The following PRR5L variants were observed in gnomAD, a reference collection of about 807,000 sequenced individuals.
PRR5L encodes proline-rich protein 5-like.
Under a neutral mutation model 36.4 loss-of-function variants are expected in PRR5L, and 21 were observed. The observed-to-expected ratio is 0.58, with a 90% CI of 0.41 to 0.83. The LOEUF is 0.83. Among genes scored for constraint, PRR5L ranks in the 40% least tolerant of loss-of-function variants. The pLI is 0.00. For synonymous variants in PRR5L, 188 were observed against 197.0 expected, an observed-to-expected ratio of 0.95 and a Z score of 0.38; for missense variants, 381 against 473.3, an observed-to-expected ratio of 0.80 and a Z score of 1.81.
At chr11:36,446,638 T>C (rs1445298865) in intron 7 of PRR5L, among the ~76,000 whole-genome samples, 198 bp downstream of exon 7, 1 of 152,218 alleles carries the variant, frequency 6.6e-6, no homozygotes, top group Non-Finnish European at 1.5e-5. Flanking sequence ...TGTTAGGTCC[T>C]GGTGCTGTGC....
Position 36,331,650 on chromosome 11 carries a change from T to C in PRR5L, c.-126+35212T>C, listed in dbSNP as rs1294488776. The stretch of plus-strand genomic sequence containing the variant: ...GAGAATGGCAAACTCTAGTTTAGCA[T>C]TGAAATGCTATTGATATTAAAACTC... On this transcript the variant is annotated intron_variant, in intron 1 of 8. Transcript: ENST00000530639. Among the ~76,000 whole-genome samples the C allele has an allele frequency of 2.0e-5, 3 of 152,346 alleles. No homozygotes were observed. The South Asian group carries it at 6.2e-4, about 32-fold the overall frequency.
At chr11:36,420,868 C>T (rs972053059) in intron 4 of PRR5L, among the ~76,000 whole-genome samples, 8 of 147,978 alleles carry the variant, frequency 5.4e-5, no homozygotes, top group African/African-American at 2.5e-5. Flanking sequence ...CACACACACA[C>T]ACACACACAC....
chr11:36,340,489 T>C (rs1856807790), intron 1 of PRR5L, among the ~76,000 whole-genome samples: 1 of 152,186 alleles, frequency 6.6e-6, no homozygotes, highest in Non-Finnish European at 1.5e-5. Flanking sequence ...CTGTTCGAAG[T>C]GCTTTACTTT....
rs570164702 is a variant in PRR5L at position 36,395,469 on chromosome 11, C to T, written c.-125-5528C>T. Among the ~76,000 whole-genome samples, 269 of 152,302 alleles carry T rather than the reference C, an allele frequency of 1.8e-3. 1 individual carries two copies. Among genetic ancestry groups the T allele is most frequent in the Non-Finnish European group, 2.9e-3 (195 of 68,022 alleles). On this transcript the variant is annotated intron_variant, in intron 1 of 8. Coordinates refer to ENST00000530639, the MANE Select transcript of PRR5L (RefSeq NM_001160167.2). ...TCAAGTTCTCAATAGCCATATATGG[C>T]TAGTGGCTACCATATTGGACAGCAC...
chr11:36,317,836 T>A (rs1856573287), intron 1 of PRR5L, among the ~76,000 whole-genome samples: 1 of 152,234 alleles, frequency 6.6e-6, no homozygotes, highest in African/African-American at 2.4e-5. Flanking sequence ...CTGACACTTC[T>A]GTGAAATACG....
At chr11:36,305,408 A>G (rs1272474435) in intron 1 of PRR5L, among the ~76,000 whole-genome samples, 1 of 152,162 alleles carries the variant, frequency 6.6e-6, no homozygotes, top group African/African-American at 2.4e-5. Flanking sequence ...GTGACTGTTA[A>G]TGGGTATGAA....
chr11:36,447,657 G>A (rs1018729088), intron 7 of PRR5L, among the ~76,000 whole-genome samples: 1 of 152,174 alleles, frequency 6.6e-6, no homozygotes, highest in Admixed American at 6.5e-5. Context: ...TGGAATGTCA[G>A]GCATTGGGGC....
intron 1 of PRR5L, among the ~76,000 whole-genome samples, chr11:36,311,543 T>C (rs1372188443): frequency 6.6e-6 from 1 of 152,194 alleles, no homozygotes; most frequent in Non-Finnish European, 1.5e-5. Context: ...TTTACTACTT[T>C]TATGAAAACT....
At chr11:36,303,314 C>T (rs1856396512) in intron 1 of PRR5L, among the ~76,000 whole-genome samples, 1 of 152,174 alleles carries the variant, frequency 6.6e-6, no homozygotes, top group African/African-American at 2.4e-5. Context: ...AGACAATGCC[C>T]AATCCATACC....
intron 1 of PRR5L, chr11:36,329,225 G>C (rs1468621506): frequency 1.3e-5 from 2 of 152,110 alleles, no homozygotes; most frequent in African/African-American, 4.8e-5. Context: ...TTATTTCCTT[G>C]AGCATGGCAT....
intron 1 of PRR5L, among the ~76,000 whole-genome samples, chr11:36,367,220 T>C (rs1034576877): frequency 3.9e-5 from 6 of 152,162 alleles, no homozygotes; most frequent in African/African-American, 1.4e-4. Flanking sequence ...CTAAAACATA[T>C]GTTCAACAAA....
intron 3 of PRR5L, among the ~76,000 whole-genome samples, chr11:36,412,636 C>T (rs1858049714): frequency 6.6e-6 from 1 of 152,154 alleles, no homozygotes. Context: ...CAGCTTTTCT[C>T]TTCTTTCTTG....
At chr11:36,393,835 G>C (rs965065168) in intron 1 of PRR5L, 3 of 152,164 alleles carry the variant, frequency 2.0e-5, no homozygotes, top group African/African-American at 2.4e-5. Flanking sequence ...ATTTTTGTGT[G>C]TGTGTCCTAG....
intron 1 of PRR5L, among the ~76,000 whole-genome samples, chr11:36,383,788 C>T (rs1053363884): frequency 5.3e-5 from 8 of 151,158 alleles, no homozygotes; most frequent in Non-Finnish European, 7.4e-5. Flanking sequence ...CACTGCCTCC[C>T]GGGTTCAAGT....
intron 1 of PRR5L, chr11:36,396,008 G>A (rs1444121246): frequency 6.6e-6 from 1 of 152,234 alleles, no homozygotes; most frequent in African/African-American, 2.4e-5. Context: ...GGGATTATAG[G>A]CGTGGGCCAC....
At chr11:36,315,556 G>A (rs879665581) in intron 1 of PRR5L, among the ~76,000 whole-genome samples, 2 of 152,086 alleles carry the variant, frequency 1.3e-5, no homozygotes, top group Non-Finnish European at 2.9e-5. Flanking sequence ...TTCTTTTTGG[G>A]CTGTTAGCTT....
chr11:36,338,679 T>A (rs1482292405), intron 1 of PRR5L, among the ~76,000 whole-genome samples: 1 of 152,206 alleles, frequency 6.6e-6, no homozygotes, highest in Non-Finnish European at 1.5e-5. Context: ...TTGGGAATTT[T>A]GTATGGAATA....
chr11:36,331,435 A>G (rs1481308017), intron 1 of PRR5L, among the ~76,000 whole-genome samples: 3 of 152,216 alleles, frequency 2.0e-5, no homozygotes, highest in South Asian at 2.1e-4. Context: ...GGTCATTTAG[A>G]AAAAAAGATT....
intron 1 of PRR5L, among the ~76,000 whole-genome samples, chr11:36,328,458 C>G (rs1217803695): frequency 6.6e-6 from 1 of 152,142 alleles, no homozygotes; most frequent in African/African-American, 2.4e-5. Context: ...ACTCAGCCCT[C>G]TCTCTCTTTT....
Sources: allele counts gnomAD v4.1 joint callset (sites outside exome capture counted in the v4.1 genomes callset), GRCh38; gene constraint gnomAD v4.1.1; transcripts MANE v1.5; gene names NCBI Gene and HGNC (gene_info 2026-07-23, HGNC 2026-07-21).